Variants in TMEM116 observed in about 807,000 individuals in gnomAD.
TMEM116 encodes the protein transmembrane protein 116.
Under a neutral mutation model 44.3 loss-of-function variants are expected in TMEM116, and 38 were observed. The ratio of observed to expected loss-of-function variants is 0.86; its 90% CI spans 0.66 to 1.12. The LOEUF (loss-of-function observed/expected upper bound fraction) is 1.12, where lower values mean the gene tolerates loss of function less well. Among genes scored for constraint, TMEM116 ranks in the 50% most tolerant of loss-of-function variants. The probability of loss-of-function intolerance (pLI) is 0.00; values close to 1 mark genes in which losing one functional copy is unlikely to be tolerated. For synonymous variants in TMEM116, 132 were observed against 144.8 expected (o/e 0.91, Z 0.64); for missense variants, 354 against 401.7 (o/e 0.88, Z 1.01).
chr12:111,940,046 G>A (rs900803404), intron 5 of TMEM116, among the ~76,000 whole-genome samples: 1 of 151,876 alleles, frequency 6.6e-6, no homozygotes, highest in Non-Finnish European at 1.5e-5. Flanking sequence ...GCTGATGTGG[G>A]TGGATCACCT....
At chr12:111,969,398 G>T (rs2075192160) in intron 4 of TMEM116, among the ~76,000 whole-genome samples, 1 of 149,224 alleles carries the variant, frequency 6.7e-6, no homozygotes. Context: ...GAGTTTTTTT[G>T]TTTATTTATT....
intron 4 of TMEM116, among the ~76,000 whole-genome samples, chr12:111,948,363 T>C (rs1285333399): frequency 6.6e-6 from 1 of 152,010 alleles, no homozygotes; most frequent in Non-Finnish European, 1.5e-5. Context: ...GGGAAGAGGG[T>C]TGGGCATTCT....
At chr12:111,934,138 G>C in intron 8 of TMEM116, 108 bp from the exon 9 acceptor site, 114 of 1,243,502 alleles carry the variant, frequency 9.2e-5, no homozygotes, top group Middle Eastern at 2.0e-4. Flanking sequence ...CTCACAACAG[G>C]AACGACCCCA....
chr12:111,986,315 T>C (rs1174253420), intron 4 of TMEM116, among the ~76,000 whole-genome samples: 1 of 152,064 alleles, frequency 6.6e-6, no homozygotes, highest in Non-Finnish European at 1.5e-5. Flanking sequence ...GCCACGATCA[T>C]GCCACTGCAC....
intron 1 of TMEM116, among the ~76,000 whole-genome samples, chr12:112,006,343 G>C (rs907276646): frequency 6.6e-6 from 1 of 152,100 alleles, no homozygotes; most frequent in Non-Finnish European, 1.5e-5. Context: ...AGCTGCAATA[G>C]AGAAATGGAA....
chr12:111,995,163 T>C (rs2076860872), intron 3 of TMEM116, among the ~76,000 whole-genome samples: 1 of 152,162 alleles, frequency 6.6e-6, no homozygotes, highest in African/African-American at 2.4e-5. Context: ...CATCTTTTAT[T>C]CCATAGCAAT....
intron 5 of TMEM116, among the ~76,000 whole-genome samples, chr12:111,938,969 T>C (rs1361278976): frequency 6.6e-6 from 1 of 152,186 alleles, no homozygotes; most frequent in Admixed American, 6.5e-5. Flanking sequence ...CAGATATTGG[T>C]AATTAATTTG....
At chr12:111,938,250 G>A in intron 5 of TMEM116, 40 bp from the exon 6 acceptor site, 1 of 1,387,426 alleles carries the variant, frequency 7.2e-7, no homozygotes, top group Non-Finnish European at 9.9e-7. Flanking sequence ...TTAAGACATT[G>A]TCAATCATAT....
chr12:112,002,256 T>C (rs1025318500), intron 3 of TMEM116, among the ~76,000 whole-genome samples: 3 of 149,866 alleles, frequency 2.0e-5, no homozygotes, highest in African/African-American at 4.9e-5. Flanking sequence ...AGATCAGGAG[T>C]TCAAGATCAA....
chr12:111,952,163 A>C (rs1006527287), intron 4 of TMEM116, among the ~76,000 whole-genome samples: 12 of 152,144 alleles, frequency 7.9e-5, no homozygotes, highest in Non-Finnish European at 1.5e-4. Flanking sequence ...TGGAAGATGG[A>C]GATTGCAGTG....
Position 111,980,421 on chromosome 12 carries a change from C to T in TMEM116, c.210+11337G>A, listed in dbSNP as rs547664498. The stretch of plus-strand genomic sequence containing the variant: ...AGTTGCCAAGGAAAGGAAGAGTGTG[C>T]GAAAGATGAATATATGAATAAAAAA... On this transcript the variant is annotated intron_variant, in intron 4 of 10. Transcript: ENST00000552374. Among the ~76,000 whole-genome samples, 8 of 150,450 alleles carry T rather than the reference C, an allele frequency of 5.3e-5. No individual in the cohort carries two copies. The South Asian group carries it at 6.3e-4, about 12-fold the overall frequency.
In TMEM116 at chr12:111,991,251, G is replaced by A. The variant is rs543512534; in HGVS notation, c.210+507C>T. Among the ~76,000 whole-genome samples, 10 of 149,920 alleles carry A rather than the reference G, an allele frequency of 6.7e-5. No homozygotes were observed. The East Asian group carries it at 7.8e-4, about 12-fold the overall frequency. On this transcript the variant is annotated intron_variant, in intron 4 of 10. Transcript: ENST00000552374. ...AAAAAAAAAAAAAACGGCTGGGTGCGGTGGCTCATGCCTGTAATCCTAGCA... is the reference window on the plus strand; with the variant it reads ...AAAAAAAAAAAAAACGGCTGGGTGCAGTGGCTCATGCCTGTAATCCTAGCA...
At position 111,979,823 on chromosome 12, in the gene TMEM116, G is replaced by A. The variant is rs2339906; in HGVS notation, c.210+11935C>T. Among the ~76,000 whole-genome samples the A allele has an allele frequency of 1.1e-4, 16 of 152,116 alleles. No homozygotes were observed. The East Asian group carries it at 3.1e-3, about 29-fold the overall frequency. ...ACCAAAGAAGACAGGTAGCAAATGA[G>A]CATATAAAAAAATGTTCAACATTAT... On this transcript the variant is annotated intron_variant, in intron 4 of 10. Coordinates refer to ENST00000552374, the MANE Select transcript of TMEM116 (RefSeq NM_001193531.2).
chr12:112,007,746 G>T (rs777445729), intron 1 of TMEM116, among the ~76,000 whole-genome samples: 3 of 152,218 alleles, frequency 2.0e-5, no homozygotes, highest in Non-Finnish European at 4.4e-5. Context: ...GTTGCTCAGA[G>T]AACAGCCATG....
intron 8 of TMEM116, 191 bp from the exon 9 acceptor site, chr12:111,934,221 G>T: frequency 3.2e-6 from 2 of 632,236 alleles, no homozygotes; most frequent in Non-Finnish European, 5.1e-6. Context: ...ACTTTTACTA[G>T]GCTAGGGAAA....
chr12:111,971,395 A>G (rs2075326275), intron 4 of TMEM116, among the ~76,000 whole-genome samples: 1 of 152,184 alleles, frequency 6.6e-6, no homozygotes. Flanking sequence ...AAAGTACACT[A>G]TTGTAAGATT....
intron 8 of TMEM116, chr12:111,934,892 T>A (rs2072006916): frequency 6.6e-6 from 1 of 152,210 alleles, no homozygotes; most frequent in African/African-American, 2.4e-5. Context: ...TCCAATGTGT[T>A]TTTTTGCAAA....
At chr12:111,993,115 G>C (rs2076712780) in intron 3 of TMEM116, 1 of 220,602 alleles carries the variant, frequency 4.5e-6, no homozygotes, top group Non-Finnish European at 9.5e-6. Context: ...CCCCCCCACT[G>C]CTCTCTTAAC....
chr12:112,006,522 G>A (rs972189549), intron 1 of TMEM116, among the ~76,000 whole-genome samples: 3 of 152,206 alleles, frequency 2.0e-5, no homozygotes, highest in African/African-American at 7.2e-5. Flanking sequence ...ATTAATGTTT[G>A]TCATAAATTA....
Sources: gnomAD v4.1 joint callset for allele counts (sites outside exome capture counted in the v4.1 genomes callset) on GRCh38, gnomAD v4.1.1 for gene constraint, MANE v1.5 for transcripts, NCBI Gene and HGNC (gene_info 2026-07-23, HGNC 2026-07-21) for gene names.